ATXN1: variants seen among roughly 807,000 people sequenced by gnomAD.
The protein encoded by ATXN1 is ataxin 1, also known as ataxin-1.
In ATXN1, 8 loss-of-function variants were observed where a neutral mutation model predicts 56.4. That is an observed-to-expected ratio of 0.14 (90% confidence interval 0.08 to 0.26). The LOEUF is 0.26. Ranked by LOEUF, ATXN1 falls within the 10% of genes least tolerant of loss-of-function variation. ATXN1 has a pLI of 1.00. For synonymous variants in ATXN1, 514 were observed against 494.6 expected (o/e 1.04, Z -0.52); for missense variants, 987 against 1,106.5 (o/e 0.89, Z 1.53).
At chr6:16,688,884 T>C (rs921401144) in intron 2 of ATXN1, among the ~76,000 whole-genome samples, 3 of 152,210 alleles carry the variant, frequency 2.0e-5, no homozygotes, top group African/African-American at 4.8e-5. Flanking sequence ...CTCCTTTGTC[T>C]AGGTGCTTTA....
chr6:16,347,206 C>CA (rs762676481), intron 6 of ATXN1, among the ~76,000 whole-genome samples: 1 of 152,254 alleles, frequency 6.6e-6, no homozygotes, highest in Non-Finnish European at 1.5e-5. Context: ...CATCGACCAC[C>CA]CAAGGACTGA....
At chr6:16,754,631 T>C (rs1246306031) in intron 1 of ATXN1, 1 of 152,228 alleles carries the variant, frequency 6.6e-6, no homozygotes. Context: ...GTAGCCAAAA[T>C]GTTCTTACTT....
intron 6 of ATXN1, among the ~76,000 whole-genome samples, chr6:16,429,343 G>A (rs1334078650): frequency 1.3e-5 from 2 of 148,338 alleles, no homozygotes; most frequent in African/African-American, 2.5e-5. Flanking sequence ...TTTGACAGTG[G>A]GTGATAACAG....
intron 3 of ATXN1, among the ~76,000 whole-genome samples, chr6:16,609,268 C>T (rs772214051): frequency 3.9e-5 from 6 of 152,144 alleles, no homozygotes; most frequent in South Asian, 2.1e-4. Context: ...CATTCACATT[C>T]GGAAGGCACT....
At chr6:16,489,523 T>A (rs1760616426) in intron 5 of ATXN1, among the ~76,000 whole-genome samples, 1 of 152,204 alleles carries the variant, frequency 6.6e-6, no homozygotes, top group African/African-American at 2.4e-5. Flanking sequence ...AACTCCCCCA[T>A]TTCCTCATCA....
intron 6 of ATXN1, among the ~76,000 whole-genome samples, chr6:16,437,723 C>A (rs1759423258): frequency 6.6e-6 from 1 of 152,160 alleles, no homozygotes; most frequent in Non-Finnish European, 1.5e-5. Context: ...CCCTTTTGTT[C>A]CAGCCCATTT....
At chr6:16,388,693 G>T (rs901726802) in intron 6 of ATXN1, among the ~76,000 whole-genome samples, 2 of 152,162 alleles carry the variant, frequency 1.3e-5, no homozygotes, top group African/African-American at 4.8e-5. Context: ...GGTCATGAGT[G>T]CTAACCACAG....
chr6:16,607,798 A>G (rs1332426121), intron 3 of ATXN1, among the ~76,000 whole-genome samples: 1 of 152,212 alleles, frequency 6.6e-6, no homozygotes, highest in Non-Finnish European at 1.5e-5. Context: ...AGATCCTAAT[A>G]TGGTCAACCA....
At chr6:16,497,984 T>C (rs945162683) in intron 5 of ATXN1, among the ~76,000 whole-genome samples, 1 of 152,234 alleles carries the variant, frequency 6.6e-6, no homozygotes, top group African/African-American at 2.4e-5. Flanking sequence ...TATTTTTTAA[T>C]GAAGATAAAA....
chr6:16,392,395 G>A (rs562551927), intron 6 of ATXN1, among the ~76,000 whole-genome samples: 1 of 152,274 alleles, frequency 6.6e-6, no homozygotes, highest in South Asian at 2.1e-4. Flanking sequence ...TGTTTCTAAA[G>A]TGGCCTGATT....
intron 6 of ATXN1, among the ~76,000 whole-genome samples, chr6:16,390,711 T>G (rs900051288): frequency 1.5e-5 from 2 of 135,986 alleles, no homozygotes; most frequent in East Asian, 2.4e-4. Context: ...CACACACGCA[T>G]GCACACAAGC....
intron 3 of ATXN1, among the ~76,000 whole-genome samples, chr6:16,604,064 C>T (rs764373219): frequency 1.3e-5 from 2 of 152,140 alleles, no homozygotes; most frequent in Non-Finnish European, 2.9e-5. Context: ...CAAGGGTCTC[C>T]TTATCTTGTC....
chr6:16,618,875 A>T (rs1177775210), intron 3 of ATXN1, among the ~76,000 whole-genome samples: 1 of 152,204 alleles, frequency 6.6e-6, no homozygotes, highest in South Asian at 2.1e-4. Context: ...AGTGGGAAAA[A>T]TATTTCCAAT....
intron 3 of ATXN1, among the ~76,000 whole-genome samples, chr6:16,608,193 A>G (rs1010100631): frequency 2.0e-5 from 3 of 152,200 alleles, no homozygotes; most frequent in African/African-American, 7.2e-5. Flanking sequence ...TGTTCTGCCA[A>G]GCAAACAAAC....
chr6:16,398,217 C>T (rs534582084), intron 6 of ATXN1, among the ~76,000 whole-genome samples: 7 of 152,130 alleles, frequency 4.6e-5, no homozygotes, highest in Non-Finnish European at 8.8e-5. Flanking sequence ...CCCTTCCTGC[C>T]CAAAGGCAGA....
chr6:16,521,550 C>A (rs1434359041), intron 5 of ATXN1, among the ~76,000 whole-genome samples: 1 of 152,178 alleles, frequency 6.6e-6, no homozygotes, highest in Non-Finnish European at 1.5e-5. Flanking sequence ...AGAGGGAGAT[C>A]CGTCTCAAAG....
rs113641661 is a variant in ATXN1 at position 16,706,736 on chromosome 6, A to AAATC, written c.-615+46496_-615+46497insGATT. The stretch of plus-strand genomic sequence containing the variant: ...AAGACTCCATCTCAAAAAAAAAAAA[A>AAATC]AAAAGGAAGAAAGAAAGAGGACCCT... On this transcript the variant is annotated intron_variant, in intron 2 of 7. Coordinates refer to ENST00000436367, the MANE Select transcript of ATXN1 (RefSeq NM_001128164.2). Among the ~76,000 whole-genome samples the AAATC allele has an allele frequency of 1.2e-4, 18 of 144,798 alleles. 1 individual carries two copies. In the South Asian group the frequency reaches 2.8e-3, roughly 23 times the overall value. 95.0% of individuals were successfully genotyped at this position (144,798 alleles called of 152,430 possible). A position where few individuals can be genotyped will look rare whatever the true frequency, so the allele number is the denominator to read the frequency against.
chr6:16,391,261 T>TAA (rs539647958), intron 6 of ATXN1, among the ~76,000 whole-genome samples: 1 of 151,176 alleles, frequency 6.6e-6, no homozygotes. Context: ...TATTTTTTTT[T>TAA]AAAAAAAAGA....
chr6:16,507,979 T>C (rs781125032), intron 5 of ATXN1, among the ~76,000 whole-genome samples: 7 of 152,216 alleles, frequency 4.6e-5, no homozygotes, highest in Admixed American at 2.0e-4. Context: ...CTCTTAATAA[T>C]ATGGTTTAGG....
Sources: allele counts gnomAD v4.1 joint callset (sites outside exome capture counted in the v4.1 genomes callset), GRCh38; gene constraint gnomAD v4.1.1; transcripts MANE v1.5; gene names NCBI Gene and HGNC (gene_info 2026-07-23, HGNC 2026-07-21).